Variants in EIPR1 observed in about 807,000 individuals in gnomAD.
EIPR1 encodes the protein EARP complex and GARP complex interacting protein 1.
Under a neutral mutation model 48.1 loss-of-function variants are expected in EIPR1, and 25 were observed. The ratio of observed to expected loss-of-function variants is 0.52; its 90% CI spans 0.38 to 0.73. The LOEUF (loss-of-function observed/expected upper bound fraction) is 0.73, where lower values mean the gene tolerates loss of function less well. Among genes scored for constraint, EIPR1 ranks in the 30% least tolerant of loss-of-function variants. The pLI is 0.00. For missense variants in EIPR1, 415 were observed against 506.2 expected (o/e 0.82, Z 1.73); for synonymous variants, 204 against 201.9 (o/e 1.01, Z -0.09).
chr2:3,327,505 T>G lies in EIPR1; in HGVS notation c.259+10512A>C, dbSNP rs371577655. On this transcript the variant is annotated intron_variant, in intron 3 of 8. Coordinates refer to ENST00000382125, the MANE Select transcript of EIPR1 (RefSeq NM_003310.5). ...GCCCTTTTCCATTTTTAAAAAAATT[T>G]TATTGTCTATACTTAAGGTCTGCAA... Among the ~76,000 whole-genome samples the G allele has an allele frequency of 3.8e-3, 571 of 152,226 alleles. 4 individuals carry two copies. Among genetic ancestry groups the G allele is most frequent in the African/African-American group, 0.013 (550 of 41,520 alleles).
intron 2 of EIPR1, among the ~76,000 whole-genome samples, chr2:3,340,613 TTA>T (rs1336080178): frequency 1.3e-5 from 2 of 152,250 alleles, no homozygotes; most frequent in Non-Finnish European, 2.9e-5. Flanking sequence ...TAATATATTA[TTA>T]GTTATTAAAT....
chr2:3,296,267 C>T (rs1484399777), intron 3 of EIPR1, among the ~76,000 whole-genome samples: 1 of 125,410 alleles, frequency 8.0e-6, no homozygotes, highest in Non-Finnish European at 1.7e-5. Flanking sequence ...CTCCATCCAG[C>T]CCATCCTCAC....
intron 3 of EIPR1, among the ~76,000 whole-genome samples, chr2:3,269,511 C>CGCATTCA: frequency 6.9e-6 from 1 of 144,554 alleles, no homozygotes; most frequent in South Asian, 2.3e-4. Context: ...ACTCAATCAT[C>CGCATTCA]ATCACACTCA....
At chr2:3,272,470 T>C (rs537881203) in intron 3 of EIPR1, among the ~76,000 whole-genome samples, 2 of 152,306 alleles carry the variant, frequency 1.3e-5, no homozygotes, top group African/African-American at 4.8e-5. Flanking sequence ...CAGAGGCCAT[T>C]ATAGGGTTAT....
chr2:3,354,731 T>G, intron 1 of EIPR1, 98 bp from the exon 2 acceptor site: 1 of 1,204,168 alleles, frequency 8.3e-7, no homozygotes, highest in Non-Finnish European at 1.2e-6. Context: ...CATCTACTGT[T>G]GATAAAGTAT....
chr2:3,307,909 T>A (rs896459411), intron 3 of EIPR1, among the ~76,000 whole-genome samples: 2 of 152,214 alleles, frequency 1.3e-5, no homozygotes, highest in Non-Finnish European at 2.9e-5. Context: ...TATTTGATCA[T>A]GACCCATTGT....
chr2:3,345,510 C>T (rs865883905), intron 2 of EIPR1, among the ~76,000 whole-genome samples: 164 of 151,772 alleles, frequency 1.1e-3, no homozygotes, highest in African/African-American at 3.8e-3. Context: ...CTGTGATCCC[C>T]GCTATTCAGG....
At chr2:3,250,163 T>C (rs960643298) in intron 4 of EIPR1, among the ~76,000 whole-genome samples, 2 of 152,136 alleles carry the variant, frequency 1.3e-5, no homozygotes, top group African/African-American at 4.8e-5. Context: ...CAGAAGCAGC[T>C]TGCATCCTGA....
Position 3,215,762 on chromosome 2 carries a change from T to C in EIPR1, c.417-1514A>G, listed in dbSNP as rs995064425. ...CAAGCATACCTCCCTTACACCGTCA[T>C]CTCAAGACTGTCTATGGAGCTATTA... is the stretch of plus-strand genomic sequence containing the variant. On this transcript the variant is annotated intron_variant, in intron 4 of 8. Coordinates refer to ENST00000382125, the MANE Select transcript of EIPR1 (RefSeq NM_003310.5). Among the ~76,000 whole-genome samples the C allele has an allele frequency of 1.3e-4, 20 of 152,346 alleles. No individual in the cohort carries two copies. The East Asian group carries it at 3.5e-3, about 26-fold the overall frequency.
chr2:3,269,224 ATCATCGCACTCAG>A lies in EIPR1; in HGVS notation c.260-11782_260-11770del, dbSNP rs1234315767. Among the ~76,000 whole-genome samples, 316 of 149,642 alleles carry A rather than the reference ATCATCGCACTCAG, an allele frequency of 2.1e-3. 2 individuals carry two copies. The highest frequency in any genetic ancestry group is 7.0e-3 in the Middle Eastern group (2 of 284). Reference sequence around the variant, plus strand: ...TCATCACACTCAATCATCGCACTCAATCATCGCACTCAGTCATCGCACTCAGTCATCGCACTCA... The same window carrying A: ...TCATCACACTCAATCATCGCACTCAATCATCGCACTCAGTCATCGCACTCA... On this transcript the variant is annotated intron_variant, in intron 3 of 8. Transcript: ENST00000382125.
chr2:3,254,897 G>A (rs960031035), intron 4 of EIPR1, among the ~76,000 whole-genome samples: 3 of 152,196 alleles, frequency 2.0e-5, no homozygotes, highest in Non-Finnish European at 4.4e-5. Flanking sequence ...CTGTATCAAT[G>A]CCAGTTTCCT....
intron 3 of EIPR1, among the ~76,000 whole-genome samples, chr2:3,259,363 G>C (rs1056763607): frequency 9.7e-6 from 1 of 103,358 alleles, no homozygotes; most frequent in African/African-American, 3.5e-5. Flanking sequence ...TCCTGTAAAC[G>C]CCAGCTCACC....
chr2:3,299,543 G>A (rs974882043), intron 3 of EIPR1, among the ~76,000 whole-genome samples: 3 of 151,728 alleles, frequency 2.0e-5, no homozygotes, highest in African/African-American at 7.3e-5. Flanking sequence ...TATTGACTTT[G>A]ACACTATAGC....
intron 3 of EIPR1, among the ~76,000 whole-genome samples, chr2:3,335,857 T>A (rs1457830317): frequency 6.6e-6 from 1 of 152,166 alleles, no homozygotes; most frequent in Non-Finnish European, 1.5e-5. Flanking sequence ...CAGTCATGCT[T>A]CCTGTTAAGC....
intron 1 of EIPR1, among the ~76,000 whole-genome samples, chr2:3,369,605 T>C (rs1394060205): frequency 6.6e-6 from 1 of 152,048 alleles, no homozygotes; most frequent in Non-Finnish European, 1.5e-5. Flanking sequence ...GCTCGGAGGG[T>C]CCTATGCCCA....
At chr2:3,268,126 C>G (rs1667548892) in intron 3 of EIPR1, among the ~76,000 whole-genome samples, 1 of 152,192 alleles carries the variant, frequency 6.6e-6, no homozygotes, top group African/African-American at 2.4e-5. Flanking sequence ...TGTGACCCCA[C>G]CACCTCAGCC....
chr2:3,269,016 G>A (rs1052950172), intron 3 of EIPR1, among the ~76,000 whole-genome samples: 1 of 152,230 alleles, frequency 6.6e-6, no homozygotes, highest in Admixed American at 6.5e-5. Flanking sequence ...GCCAGCTGCT[G>A]AGGTGTGGGA....
At chr2:3,309,442 CAA>C (rs1410609105) in intron 3 of EIPR1, among the ~76,000 whole-genome samples, 1 of 152,050 alleles carries the variant, frequency 6.6e-6, no homozygotes, top group Non-Finnish European at 1.5e-5. Flanking sequence ...CGATGAGAAA[CAA>C]AGAGAACAGA....
intron 3 of EIPR1, among the ~76,000 whole-genome samples, chr2:3,293,834 G>A (rs1049538577): frequency 3.3e-5 from 5 of 152,146 alleles, no homozygotes; most frequent in Non-Finnish European, 7.3e-5. Context: ...TTTGTCTGTC[G>A]CCGAACACGT....
Sources: gnomAD v4.1 joint callset for allele counts (sites outside exome capture counted in the v4.1 genomes callset) on GRCh38, gnomAD v4.1.1 for gene constraint, MANE v1.5 for transcripts, NCBI Gene and HGNC (gene_info 2026-07-23, HGNC 2026-07-21) for gene names.